GNA12: variants seen among roughly 807,000 people sequenced by gnomAD.
GNA12 encodes the protein guanine nucleotide-binding protein subunit alpha-12.
Under a neutral mutation model 26.0 loss-of-function variants are expected in GNA12, and 9 were observed. The ratio of observed to expected loss-of-function variants is 0.35; its 90% CI spans 0.21 to 0.60. GNA12 has a LOEUF of 0.60. Ranked by LOEUF, GNA12 falls within the 20% of genes least tolerant of loss-of-function variation. The pLI, the probability that GNA12 is intolerant of heterozygous loss-of-function variation, is 0.78. For missense variants in GNA12, 405 were observed against 525.8 expected (o/e 0.77, Z 2.25); for synonymous variants, 264 against 219.6 (o/e 1.20, Z -1.79).
intron 2 of GNA12, chr7:2,762,328 G>A (rs1791599525): frequency 6.0e-6 from 2 of 332,472 alleles, no homozygotes; most frequent in East Asian, 4.8e-5. Flanking sequence ...GGCGCTGCGC[G>A]ACTGCTGCTG....
intron 1 of GNA12, chr7:2,835,834 G>A (rs752083409): frequency 4.7e-6 from 3 of 635,284 alleles, no homozygotes; most frequent in East Asian, 2.9e-5. Flanking sequence ...TTATCAAATC[G>A]GTGATGTCTT....
At chr7:2,760,116 G>A (rs1323084592) in intron 2 of GNA12, among the ~76,000 whole-genome samples, 1 of 152,266 alleles carries the variant, frequency 6.6e-6, no homozygotes, top group African/African-American at 2.4e-5. Context: ...GTGTAGCTTG[G>A]ATGTGTGGAC....
chr7:2,795,448 G>C (rs1221684954), intron 1 of GNA12, among the ~76,000 whole-genome samples: 1 of 152,114 alleles, frequency 6.6e-6, no homozygotes, highest in African/African-American at 2.4e-5. Context: ...CTGGGCAACA[G>C]AGCAAGACCC....
intron 1 of GNA12, among the ~76,000 whole-genome samples, chr7:2,833,234 T>C (rs1192671916): frequency 6.6e-6 from 1 of 152,152 alleles, no homozygotes; most frequent in African/African-American, 2.4e-5. Context: ...GCCCTTCAGG[T>C]GATGCAAGTT....
chr7:2,776,543 T>A (rs1487343529), intron 2 of GNA12, among the ~76,000 whole-genome samples: 1 of 152,016 alleles, frequency 6.6e-6, no homozygotes, highest in East Asian at 1.9e-4. Context: ...CTAAAGGACG[T>A]CCCCATTCGA....
chr7:2,814,963 A>G (rs1235388645), intron 1 of GNA12: 1 of 1,564,372 alleles, frequency 6.4e-7, no homozygotes, highest in African/African-American at 1.4e-5. Flanking sequence ...GGCGCTCTGC[A>G]CTCGGCATGG....
At chr7:2,784,747 G>A (rs528837225) in intron 2 of GNA12, among the ~76,000 whole-genome samples, 2 of 152,122 alleles carry the variant, frequency 1.3e-5, no homozygotes, top group African/African-American at 4.8e-5. Context: ...ATTCGCAAGC[G>A]CCCTCTCACT....
chr7:2,738,001 C>A (rs1406064023), intron 2 of GNA12, among the ~76,000 whole-genome samples: 2 of 152,172 alleles, frequency 1.3e-5, no homozygotes, highest in South Asian at 2.1e-4. Flanking sequence ...TTAAATGATA[C>A]CACAGCTGTG....
At chr7:2,798,431 A>C (rs573471837) in intron 1 of GNA12, among the ~76,000 whole-genome samples, 1 of 152,284 alleles carries the variant, frequency 6.6e-6, no homozygotes, top group Non-Finnish European at 1.5e-5. Context: ...ACTACTACTA[A>C]CTATCACTAA....
intron 1 of GNA12, among the ~76,000 whole-genome samples, chr7:2,837,386 C>T (rs1346786883): frequency 2.0e-5 from 3 of 152,106 alleles, no homozygotes; most frequent in Non-Finnish European, 4.4e-5. Flanking sequence ...TGTCAGAGTC[C>T]CAGAAGGAGA....
At chr7:2,825,097 A>G (rs573949439) in intron 1 of GNA12, among the ~76,000 whole-genome samples, 1 of 152,354 alleles carries the variant, frequency 6.6e-6, no homozygotes, top group East Asian at 1.9e-4. Flanking sequence ...TGCCACCAAA[A>G]GACAGGTTAC....
chr7:2,773,384 A>G (rs1562420911), intron 2 of GNA12, among the ~76,000 whole-genome samples: 1 of 152,182 alleles, frequency 6.6e-6, no homozygotes, highest in Non-Finnish European at 1.5e-5. Context: ...CCAACATGGC[A>G]AAACCCCTTC....
At chr7:2,835,978 T>A in intron 1 of GNA12, 1 of 462,918 alleles carries the variant, frequency 2.2e-6, no homozygotes, top group South Asian at 2.1e-5. Flanking sequence ...AGTTCAGTTG[T>A]ATGCAAAATT....
intron 1 of GNA12, among the ~76,000 whole-genome samples, chr7:2,806,457 C>CAAAAAAAAAAAAAAAAAAAAAAAAA (rs34036056): frequency 2.5e-5 from 2 of 80,706 alleles, no homozygotes; most frequent in African/African-American, 9.9e-5. Context: ...GACTCTGTCT[C>CAAAAAAAAAAAAAAAAAAAAAAAAA]AAAAAAAAAA....
intron 1 of GNA12, among the ~76,000 whole-genome samples, chr7:2,795,437 C>T (rs1463003866): frequency 6.6e-6 from 1 of 152,034 alleles, no homozygotes; most frequent in African/African-American, 2.4e-5. Context: ...CTGAGACCGG[C>T]CTGGGCAACA....
chr7:2,798,416 G>A (rs917250299), intron 1 of GNA12, among the ~76,000 whole-genome samples: 7 of 152,128 alleles, frequency 4.6e-5, no homozygotes, highest in South Asian at 2.1e-4. Context: ...TGAAATGAAA[G>A]ATGTACTACT....
chr7:2,768,196 C>G (rs920625285), intron 2 of GNA12, among the ~76,000 whole-genome samples: 3 of 152,192 alleles, frequency 2.0e-5, no homozygotes, highest in African/African-American at 7.2e-5. Context: ...TGAGGCCAGG[C>G]TTTGCTACTA....
intron 1 of GNA12, among the ~76,000 whole-genome samples, chr7:2,836,877 T>C (rs1778851977): frequency 6.6e-6 from 1 of 152,062 alleles, no homozygotes; most frequent in African/African-American, 2.4e-5. Context: ...TGAGCCAGGA[T>C]TGCGCCACTG....
At chr7:2,781,449 T>TGTGTGTGTGTGTGTGTGTG (rs397971357) in intron 2 of GNA12, among the ~76,000 whole-genome samples, 1 of 144,956 alleles carries the variant, frequency 6.9e-6, no homozygotes, top group Non-Finnish European at 1.5e-5. Flanking sequence ...TGTGTGTGTG[T>TGTGTGTGTGTGTGTGTGTG]AGGGTACAAT....
Sources: allele counts gnomAD v4.1 joint callset (sites outside exome capture counted in the v4.1 genomes callset), GRCh38; gene constraint gnomAD v4.1.1; transcripts MANE v1.5; gene names NCBI Gene and HGNC (gene_info 2026-07-23, HGNC 2026-07-21).